NCAPG: variants seen among roughly 807,000 people sequenced by gnomAD.
NCAPG encodes the protein non-SMC condensin I complex subunit G.
A neutral mutation model predicts 113.1 loss-of-function variants in NCAPG; 69 were observed. That is an observed-to-expected ratio of 0.61 (90% CI 0.50 to 0.75). The LOEUF is 0.75. Among genes scored for constraint, NCAPG ranks in the 30% least tolerant of loss-of-function variants. The probability of loss-of-function intolerance (pLI) is 0.00; values close to 1 mark genes in which losing one functional copy is unlikely to be tolerated. For missense variants in NCAPG, 1,058 were observed against 1,177.0 expected (o/e 0.90, Z 1.48); for synonymous variants, 370 against 415.8 (o/e 0.89, Z 1.34).
At chr4:17,818,204 T>A in intron 7 of NCAPG, 116 bp downstream of exon 7, 1 of 1,078,350 alleles carries the variant, frequency 9.3e-7, no homozygotes, top group Non-Finnish European at 1.3e-6. Context: ...CCTTTTTTTG[T>A]ACATGTAGGG....
chr4:17,839,805 G>T lies in NCAPG; in HGVS notation c.2596G>T (p.Asp866Tyr). ...SLELSSHLAK[D>Y]LLVLLNEILE... ...AGAACTCAGTAGCCATCTTGCAAAA[G>T]ATCTTCTGGTTCTATTGAATGAGAT... Residue 866 changes from aspartate (D) to tyrosine (Y), a missense_variant, in exon 17 of 21, where the codon GAT (aspartate) becomes TAT (tyrosine). Coordinates refer to ENST00000251496, the MANE Select transcript of NCAPG (RefSeq NM_022346.5). 1 of 1,585,820 alleles carries T rather than the reference G, an allele frequency of 6.3e-7. No individual in the cohort carries two copies. The highest frequency in any genetic ancestry group is 8.5e-7 in the Non-Finnish European group (1 of 1,173,480).
At position 17,834,389 on chromosome 4, in the gene NCAPG, A is replaced by C; in HGVS notation, c.1975A>C (p.Thr659Pro). ...GACGTTCGGGATTGAACCATTTAAA[A>C]CTAAAAAAATCAAAACACTTCATTG... ...LMTFGIEPFKTKKIKTLHCEG... is the reference protein window; with the variant it reads ...LMTFGIEPFKPKKIKTLHCEG... Residue 659 changes from threonine (T) to proline (P), a missense_variant, in exon 14 of 21, where the codon ACT (threonine) becomes CCT (proline). Transcript: ENST00000251496. 1.2e-6 allele frequency: 2 copies of C among 1,611,310 alleles called. No individual in the cohort carries two copies. The highest frequency in any genetic ancestry group is 2.2e-5 in the East Asian group (1 of 44,654).
At chr4:17,827,851 G>C (rs934015020) in intron 11 of NCAPG, among the ~76,000 whole-genome samples, 15 of 148,730 alleles carry the variant, frequency 1.0e-4, no homozygotes, top group African/African-American at 3.5e-4. Context: ...TGTTGCCCAG[G>C]CTGGAGTGCA....
intron 11 of NCAPG, among the ~76,000 whole-genome samples, chr4:17,826,777 G>C (rs976633114): frequency 4.6e-5 from 7 of 152,196 alleles, no homozygotes; most frequent in Admixed American, 4.6e-4. Context: ...TGCTGGTAGA[G>C]TATTGTTGGC....
intron 7 of NCAPG, among the ~76,000 whole-genome samples, chr4:17,822,105 A>C (rs1669278733): frequency 6.6e-6 from 1 of 152,074 alleles, no homozygotes; most frequent in South Asian, 2.1e-4. Context: ...CAAAAAAGAT[A>C]ATTGTATTCA....
intron 20 of NCAPG, 54 bp from the exon 21 acceptor site, chr4:17,843,248 T>C: frequency 6.4e-7 from 1 of 1,558,988 alleles, no homozygotes; most frequent in Non-Finnish European, 8.7e-7. Flanking sequence ...TATTTATAAA[T>C]AAACTGGTTT....
intron 5 of NCAPG, among the ~76,000 whole-genome samples, chr4:17,815,832 G>A (rs1721183310): frequency 6.6e-6 from 1 of 151,988 alleles, no homozygotes; most frequent in African/African-American, 2.4e-5. Flanking sequence ...CCAAGATCTT[G>A]GTATTTTGAA....
At chr4:17,820,283 C>T (rs375237570) in intron 7 of NCAPG, among the ~76,000 whole-genome samples, 35 of 152,020 alleles carry the variant, frequency 2.3e-4, no homozygotes, top group African/African-American at 8.0e-4. Context: ...TTAACCTCTT[C>T]GACTTATTTT....
chr4:17,817,189 A>G lies in NCAPG; in HGVS notation c.776-72A>G, dbSNP rs926043965. ...ATTGTAAATACTGACTTTGTTAATT[A>G]AAACAGACAAAATACAAGAGATGGA... On this transcript the variant is annotated intron_variant, in intron 5 of 20. Transcript: ENST00000251496. 3.5e-6 allele frequency: 4 copies of G among 1,127,430 alleles called. No homozygotes were observed. In the African/African-American group the frequency reaches 6.1e-5, roughly 17 times the overall value. 69.8% of individuals were successfully genotyped at this position (1,127,430 alleles called of 1,614,324 possible).
intron 13 of NCAPG, among the ~76,000 whole-genome samples, chr4:17,833,135 G>A (rs565805247): frequency 1.3e-5 from 2 of 152,218 alleles, no homozygotes; most frequent in East Asian, 3.9e-4. Flanking sequence ...ACTTTGGGAG[G>A]CTGAGGCAGG....
At chr4:17,828,573 G>A (rs766198184) in intron 12 of NCAPG, among the ~76,000 whole-genome samples, 185 bp downstream of exon 12, 1 of 151,980 alleles carries the variant, frequency 6.6e-6, no homozygotes, top group African/African-American at 2.4e-5. Context: ...TGTCTGTAAA[G>A]GACCTGATAT....
In NCAPG at chr4:17,824,995, G is replaced by A; in HGVS notation, c.1411G>A (p.Ala471Thr). ...IVTEIISEIR[A>T]PIVTVGVNND... ...TACAGAAATTATCTCAGAGATTCGG[G>A]CGCCCATTGTTACTGTTGGTGTTAA... The change falls in exon 10 of 21, where the codon GCG becomes ACG. Residue 471 changes from alanine to threonine, a missense_variant. Transcript: ENST00000251496. 1.9e-6 allele frequency: 3 copies of A among 1,612,654 alleles called. No homozygotes were observed. The highest frequency in any genetic ancestry group is 2.2e-5 in the East Asian group (1 of 44,780).
chr4:17,816,148 A>T (rs557966042), intron 5 of NCAPG, among the ~76,000 whole-genome samples: 66 of 152,094 alleles, frequency 4.3e-4, no homozygotes, highest in African/African-American at 1.5e-3. Flanking sequence ...TTTTCCACAG[A>T]GGGCGGGCTG....
chr4:17,832,435 G>A (rs539609101), intron 13 of NCAPG, among the ~76,000 whole-genome samples: 6 of 152,272 alleles, frequency 3.9e-5, no homozygotes, highest in South Asian at 2.1e-4. Context: ...AAAGATTTGC[G>A]CCAGAATAAC....
chr4:17,819,605 T>C (rs1350981613), intron 7 of NCAPG, among the ~76,000 whole-genome samples: 1 of 152,218 alleles, frequency 6.6e-6, no homozygotes, highest in African/African-American at 2.4e-5. Flanking sequence ...TTTCACCATG[T>C]TGGCCAGGAT....
At chr4:17,814,488 G>T (rs151028664) in intron 3 of NCAPG, among the ~76,000 whole-genome samples, 1 of 152,192 alleles carries the variant, frequency 6.6e-6, no homozygotes, top group Non-Finnish European at 1.5e-5. Flanking sequence ...TTCTATTACA[G>T]ATGGGTTCTC....
At chr4:17,841,757 T>C (rs1722427609) in intron 19 of NCAPG, 1 of 152,100 alleles carries the variant, frequency 6.6e-6, no homozygotes. Flanking sequence ...TAGAATCTTA[T>C]AATCCCCAGT....
At chr4:17,816,581 G>C (rs986844656) in intron 5 of NCAPG, among the ~76,000 whole-genome samples, 2 of 152,184 alleles carry the variant, frequency 1.3e-5, no homozygotes, top group African/African-American at 4.8e-5. Context: ...TAAGACTAAG[G>C]TTTGTTCAGT....
rs1720919356 is a variant in NCAPG, at chr4:17,811,207, G to GGCC, written c.111+26_111+28dup. On this transcript the variant is annotated intron_variant, in intron 1 of 20. Transcript: ENST00000251496. This position sits in a 1 kb window ranked among gnomAD's most constrained non-coding sequence, Gnocchi z 5.3. Reference sequence around the variant, plus strand: ...CCGCACGGTAAGCGCTCCCGGCCCCGGCCGCCGCCTCTCGCCCGCCCCGGC... The same window carrying GGCC: ...CCGCACGGTAAGCGCTCCCGGCCCCGGCCGCCGCCGCCTCTCGCCCGCCCCGGC... 2.8e-6 allele frequency: 4 copies of GGCC among 1,428,324 alleles called. No homozygotes were observed. The South Asian group carries it at 5.5e-5, about 20-fold the overall frequency. The allele number at this position is 1,428,324 out of a possible 1,614,324, so 88.5% of individuals were successfully genotyped here. A position where few individuals can be genotyped will look rare whatever the true frequency, so the allele number is the denominator to read the frequency against.
Sources: allele counts gnomAD v4.1 joint callset (sites outside exome capture counted in the v4.1 genomes callset), GRCh38; gene constraint gnomAD v4.1.1; non-coding constraint Gnocchi (gnomAD v3.1); transcripts MANE v1.5; gene names NCBI Gene and HGNC (gene_info 2026-07-23, HGNC 2026-07-21).